ASCC1: variants seen among roughly 807,000 people sequenced by gnomAD.
The protein encoded by ASCC1 is ASC-1 complex subunit P50.
A neutral mutation model predicts 46.6 loss-of-function variants in ASCC1; 35 were observed. That is an observed-to-expected ratio of 0.75 (90% CI 0.57 to 0.99). The LOEUF (loss-of-function observed/expected upper bound fraction) is 0.99. Ranked by LOEUF, ASCC1 falls within the 50% of genes least tolerant of loss-of-function variation. The probability of loss-of-function intolerance (pLI) is 0.00; values close to 1 mark genes in which losing one functional copy is unlikely to be tolerated. For missense variants in ASCC1, 376 were observed against 428.7 expected (o/e 0.88, Z 1.09); for synonymous variants, 143 against 146.6 (o/e 0.98, Z 0.18).
chr10:72,136,657 C>T (rs1846254172), intron 7 of ASCC1, among the ~76,000 whole-genome samples: 2 of 152,216 alleles, frequency 1.3e-5, no homozygotes, highest in Admixed American at 1.3e-4. Flanking sequence ...GGTCCCCCTT[C>T]CATGCTGTGG....
At chr10:72,187,852 C>CTAAG (rs2133125886) in intron 5 of ASCC1, among the ~76,000 whole-genome samples, 1 of 151,192 alleles carries the variant, frequency 6.6e-6, no homozygotes, top group Admixed American at 6.6e-5. Context: ...ACTCGAGAGG[C>CTAAG]TAAGGCAGGA....
chr10:72,164,737 A>C (rs143473665), intron 5 of ASCC1, among the ~76,000 whole-genome samples: 1 of 152,182 alleles, frequency 6.6e-6, no homozygotes, highest in Non-Finnish European at 1.5e-5. Flanking sequence ...GAACTAACAA[A>C]CATTCCCAGC....
At chr10:72,183,669 A>G (rs533365238) in intron 5 of ASCC1, among the ~76,000 whole-genome samples, 173 of 152,250 alleles carry the variant, frequency 1.1e-3, no homozygotes, top group African/African-American at 3.9e-3. Context: ...TTTTTCAATA[A>G]AAAATAAAAT....
chr10:72,128,273 C>A (rs1293164046), intron 8 of ASCC1, 106 bp from the exon 9 acceptor site: 1 of 906,486 alleles, frequency 1.1e-6, no homozygotes, highest in Non-Finnish European at 1.8e-6. Context: ...CATGAACTAC[C>A]TGGAAAGTGG....
chr10:72,211,606 C>T (rs1396396850), intron 2 of ASCC1, among the ~76,000 whole-genome samples: 1 of 151,774 alleles, frequency 6.6e-6, no homozygotes, highest in African/African-American at 2.4e-5. Flanking sequence ...GGCACGGTGA[C>T]TCATGCCTGT....
chr10:72,171,311 C>G (rs772446821), intron 5 of ASCC1, among the ~76,000 whole-genome samples: 2 of 152,198 alleles, frequency 1.3e-5, no homozygotes, highest in Admixed American at 6.5e-5. Flanking sequence ...GGGCAAATCA[C>G]TTCCTTGAGC....
At position 72,171,431 on chromosome 10, in the gene ASCC1, CT is replaced by C. The variant is rs113830754; in HGVS notation, c.490-9758del. Among the ~76,000 whole-genome samples the C allele has an allele frequency of 5.1e-4, 75 of 148,164 alleles. 1 individual carries two copies. The East Asian group carries it at 7.5e-3, about 15-fold the overall frequency. ...CTGACTCTGACCTTCCTGATTTCCT[CT>C]TTTTTTTTTTCTCAGACGGAGTCTT... On this transcript the variant is annotated intron_variant, in intron 5 of 9. Coordinates refer to ENST00000672957, the MANE Select transcript of ASCC1 (RefSeq NM_001198800.3).
At chr10:72,212,620 G>A (rs1256878375) in intron 2 of ASCC1, among the ~76,000 whole-genome samples, 3 of 152,224 alleles carry the variant, frequency 2.0e-5, no homozygotes, top group African/African-American at 7.2e-5. Context: ...GGCCAAGGCA[G>A]GTGGATCACT....
chr10:72,174,666 T>G (rs1242259710), intron 5 of ASCC1, among the ~76,000 whole-genome samples: 1 of 152,220 alleles, frequency 6.6e-6, no homozygotes, highest in Non-Finnish European at 1.5e-5. Flanking sequence ...AATTCTCAAA[T>G]CATATTCACA....
intron 7 of ASCC1, among the ~76,000 whole-genome samples, chr10:72,136,600 A>AT (rs1376670627): frequency 7.2e-5 from 11 of 152,226 alleles, no homozygotes; most frequent in African/African-American, 2.7e-4. Context: ...CAAATAAGGG[A>AT]TAAAAATAAA....
chr10:72,097,367 G>C lies in ASCC1; in HGVS notation c.1041C>G (p.Asn347Lys). The C allele has an allele frequency of 6.2e-7, 1 of 1,613,748 alleles. No homozygotes were observed. Among genetic ancestry groups the C allele is most frequent in the Non-Finnish European group, 8.5e-7 (1 of 1,179,696 alleles). The change falls in exon 10 of 10, where the codon AAC (asparagine) becomes AAG (lysine). Residue 347 changes from asparagine to lysine, a missense_variant. By Grantham distance (94) the Asn-to-Lys change is moderately conservative. Coordinates refer to ENST00000672957, the MANE Select transcript of ASCC1 (RefSeq NM_001198800.3). ...SQRFTVDSFG[N>K]YASCGQIDFS Reference sequence around the variant, plus strand: ...AGTCAATTTGTCCACAGGAAGCGTAGTTTCCAAAGCTGTCTACGGTGAACC... The same window carrying C: ...AGTCAATTTGTCCACAGGAAGCGTACTTTCCAAAGCTGTCTACGGTGAACC...
intron 9 of ASCC1, among the ~76,000 whole-genome samples, chr10:72,120,114 G>A: frequency 6.6e-6 from 1 of 152,164 alleles, no homozygotes; most frequent in East Asian, 1.9e-4. Context: ...TGTAATCCCA[G>A]ATACTCGGGA....
At chr10:72,189,671 G>A (rs1330136853) in intron 5 of ASCC1, among the ~76,000 whole-genome samples, 2 of 151,962 alleles carry the variant, frequency 1.3e-5, no homozygotes, top group South Asian at 2.1e-4. Context: ...GCATGGTGGC[G>A]CATGCCTGTA....
intron 7 of ASCC1, among the ~76,000 whole-genome samples, chr10:72,136,464 A>G (rs1341970659): frequency 6.6e-6 from 1 of 152,110 alleles, no homozygotes; most frequent in Non-Finnish European, 1.5e-5. Context: ...CACACCAATC[A>G]GCACTCTGTA....
At chr10:72,187,985 T>G (rs1853755149) in intron 5 of ASCC1, among the ~76,000 whole-genome samples, 1 of 151,882 alleles carries the variant, frequency 6.6e-6, no homozygotes, top group Admixed American at 6.6e-5. Context: ...GTTTTACAAT[T>G]CTACACTAAG....
At chr10:72,109,016 A>C (rs746214721) in intron 9 of ASCC1, among the ~76,000 whole-genome samples, 61 of 152,344 alleles carry the variant, frequency 4.0e-4, no homozygotes, top group Non-Finnish European at 6.0e-4. Flanking sequence ...TCATCTCCAA[A>C]CACAGCTTAA....
At chr10:72,209,006 A>C (rs1194995909) in intron 3 of ASCC1, among the ~76,000 whole-genome samples, 1 of 152,040 alleles carries the variant, frequency 6.6e-6, no homozygotes, top group Non-Finnish European at 1.5e-5. Context: ...TCTACCAAAA[A>C]TACAAAAAAT....
chr10:72,125,810 T>C (rs745644047), intron 9 of ASCC1, among the ~76,000 whole-genome samples: 1 of 152,206 alleles, frequency 6.6e-6, no homozygotes, highest in Non-Finnish European at 1.5e-5. Context: ...ACTCACCCCA[T>C]GGTTTTTATA....
rs1308272918 is a variant in ASCC1, at chr10:72,166,153, AG to A, written c.490-4480del. 3.0e-4 allele frequency among the ~76,000 whole-genome samples: 46 copies of A among 152,338 alleles called. 1 individual carries two copies. The highest frequency in any genetic ancestry group is 2.6e-4 in the Admixed American group (4 of 15,302). The stretch of plus-strand genomic sequence containing the variant: ...TTATATACATAGCCTTCCTAGTAAT[AG>A]TTGCCCAAAGTGGGCTAGGACCATA... On this transcript the variant is annotated intron_variant, in intron 5 of 9. Coordinates refer to ENST00000672957, the MANE Select transcript of ASCC1 (RefSeq NM_001198800.3).
Sources: allele counts gnomAD v4.1 joint callset (sites outside exome capture counted in the v4.1 genomes callset), GRCh38; gene constraint gnomAD v4.1.1; transcripts MANE v1.5; gene names NCBI Gene and HGNC (gene_info 2026-07-23, HGNC 2026-07-21).